The following RBM20 variants were observed in gnomAD, a reference collection of about 807,000 sequenced individuals.
The protein encoded by RBM20 is RNA-binding protein 20.
In RBM20, 51 loss-of-function variants were observed where a neutral mutation model predicts 110.1. The ratio of observed to expected loss-of-function variants is 0.46; its 90% CI spans 0.37 to 0.59. The LOEUF (loss-of-function observed/expected upper bound fraction) is 0.59. Among genes scored for constraint, RBM20 ranks in the 20% least tolerant of loss-of-function variants. RBM20 has a pLI of 0.00. For synonymous variants in RBM20, 589 were observed against 618.2 expected (o/e 0.95, Z 0.70); for missense variants, 1,512 against 1,574.9 (o/e 0.96, Z 0.68).
chr10:110,822,220 T>A (rs888204122), intron 11 of RBM20, among the ~76,000 whole-genome samples: 1 of 152,180 alleles, frequency 6.6e-6, no homozygotes, highest in East Asian at 1.9e-4. Flanking sequence ...CCAGATGGAC[T>A]TGGATAACTA....
intron 1 of RBM20, among the ~76,000 whole-genome samples, chr10:110,767,434 C>A (rs1316880871): frequency 2.0e-5 from 3 of 149,878 alleles, no homozygotes; most frequent in Non-Finnish European, 4.4e-5. Context: ...CGGGCAGAGA[C>A]GCTCCTCACT....
At chr10:110,831,805 G>A (rs1423709372) in intron 13 of RBM20, among the ~76,000 whole-genome samples, 3 of 151,962 alleles carry the variant, frequency 2.0e-5, no homozygotes, top group African/African-American at 7.3e-5. Context: ...ACAGTAAAGT[G>A]GACAAAAATC....
At chr10:110,746,878 G>A (rs900446911) in intron 1 of RBM20, among the ~76,000 whole-genome samples, 2 of 151,552 alleles carry the variant, frequency 1.3e-5, no homozygotes, top group African/African-American at 4.9e-5. Context: ...CTCATGAATT[G>A]TCTATCGAAA....
At chr10:110,742,391 GAGA>G (rs141691075) in intron 1 of RBM20, among the ~76,000 whole-genome samples, 2,014 of 152,302 alleles carry the variant, frequency 0.013, 22 homozygotes, top group Non-Finnish European at 0.021. Context: ...CATGACTTAA[GAGA>G]AGAAGACACA....
chr10:110,791,608 C>G (rs757948647), intron 5 of RBM20, among the ~76,000 whole-genome samples: 8 of 151,904 alleles, frequency 5.3e-5, no homozygotes, highest in Non-Finnish European at 1.0e-4. Context: ...TTCTCCCCAG[C>G]TACAAAAGAG....
chr10:110,820,013 T>G, intron 9 of RBM20, 59 bp from the exon 10 acceptor site: 1 of 1,103,780 alleles, frequency 9.1e-7, no homozygotes, highest in Non-Finnish European at 1.3e-6. Flanking sequence ...CATTCTTTTT[T>G]TCTTCTCCCT....
intron 1 of RBM20, among the ~76,000 whole-genome samples, chr10:110,709,663 C>A (rs1862894134): frequency 6.6e-6 from 1 of 150,976 alleles, no homozygotes; most frequent in Admixed American, 6.6e-5. Context: ...AACTCCTGAG[C>A]TCAGGTGATC....
chr10:110,643,713 T>C (rs1383567885), upstream of RBM20, among the ~76,000 whole-genome samples: 1 of 152,204 alleles, frequency 6.6e-6, no homozygotes, highest in Non-Finnish European at 1.5e-5. Context: ...AATCAGCAGC[T>C]GGAACTGACA....
intron 1 of RBM20, among the ~76,000 whole-genome samples, chr10:110,674,999 G>A (rs1385942837): frequency 1.3e-5 from 2 of 152,192 alleles, no homozygotes; most frequent in Non-Finnish European, 2.9e-5. Flanking sequence ...CACGTTCCAA[G>A]GCAGGATGCA....
rs1862530756 is a variant in RBM20, at chr10:110,687,998, TGTGTG to T, written c.191+43354_191+43358del. On this transcript the variant is annotated intron_variant, in intron 1 of 13. Coordinates refer to ENST00000369519, the MANE Select transcript of RBM20 (RefSeq NM_001134363.3). ...TGAGTGCTACTCCTAAATGGTTTTG[TGTGTG>T]TGTGTGTGTGTGTGTGTGTGTGTGT... Among the ~76,000 whole-genome samples the T allele has an allele frequency of 3.2e-3, 19 of 6,026 alleles. No individual in the cohort carries two copies. In the Admixed American group the frequency reaches 0.045, roughly 14 times the overall value. 4.0% of individuals were successfully genotyped at this position (6,026 alleles called of 152,430 possible). A position where few individuals can be genotyped will look rare whatever the true frequency, so the allele number is the denominator to read the frequency against.
intron 1 of RBM20, among the ~76,000 whole-genome samples, chr10:110,717,012 A>G (rs1046416132): frequency 1.3e-5 from 2 of 151,636 alleles, no homozygotes; most frequent in African/African-American, 4.8e-5. Flanking sequence ...ACATCGGTTG[A>G]TTGAGTTTTT....
chr10:110,715,536 G>A (rs898481745), intron 1 of RBM20, among the ~76,000 whole-genome samples: 3 of 152,116 alleles, frequency 2.0e-5, no homozygotes, highest in African/African-American at 7.2e-5. Flanking sequence ...AGTCTTTTTT[G>A]TTAAGTCCTG....
chr10:110,754,713 C>T (rs926723430), intron 1 of RBM20, among the ~76,000 whole-genome samples: 1 of 152,156 alleles, frequency 6.6e-6, no homozygotes, highest in Non-Finnish European at 1.5e-5. Context: ...TCAGTTTTTA[C>T]AGTTTTTGGT....
chr10:110,658,940 A>G (rs1432745822), intron 1 of RBM20, among the ~76,000 whole-genome samples: 9 of 152,086 alleles, frequency 5.9e-5, no homozygotes, highest in Non-Finnish European at 1.3e-4. Flanking sequence ...CTCCCATAGT[A>G]GCATTTGTCC....
intron 12 of RBM20, among the ~76,000 whole-genome samples, chr10:110,828,835 TTG>T (rs1438917320): frequency 6.6e-6 from 1 of 151,320 alleles, no homozygotes; most frequent in Admixed American, 6.6e-5. Flanking sequence ...TTTTTGTTTT[TTG>T]TTTGTTTGTT....
At chr10:110,651,494 T>C (rs896227572) in intron 1 of RBM20, among the ~76,000 whole-genome samples, 2 of 152,228 alleles carry the variant, frequency 1.3e-5, no homozygotes, top group African/African-American at 4.8e-5. Context: ...TAACATTTAC[T>C]TTAACAAACT....
At chr10:110,813,060 T>G in intron 9 of RBM20, 113 bp downstream of exon 9, 1 of 774,214 alleles carries the variant, frequency 1.3e-6, no homozygotes, top group African/African-American at 1.7e-5. Flanking sequence ...ACTGGCTATT[T>G]ACTATGCGCT....
chr10:110,654,982 T>A (rs1862001177), intron 1 of RBM20, among the ~76,000 whole-genome samples: 1 of 152,146 alleles, frequency 6.6e-6, no homozygotes, highest in Non-Finnish European at 1.5e-5. Flanking sequence ...ATTCTCCCCA[T>A]CATGCAGATG....
chr10:110,751,867 C>T (rs1305275077), intron 1 of RBM20, among the ~76,000 whole-genome samples: 1 of 151,496 alleles, frequency 6.6e-6, no homozygotes, highest in Non-Finnish European at 1.5e-5. Context: ...CTCAGGCACA[C>T]TTTTTTTTTC....
Sources: gnomAD v4.1 joint callset for allele counts (sites outside exome capture counted in the v4.1 genomes callset) on GRCh38, gnomAD v4.1.1 for gene constraint, MANE v1.5 for transcripts, NCBI Gene and HGNC (gene_info 2026-07-23, HGNC 2026-07-21) for gene names.